ITPR1: variants seen among roughly 807,000 people sequenced by gnomAD.
ITPR1 encodes the protein inositol 1,4,5-trisphosphate-gated calcium channel ITPR1.
A neutral mutation model predicts 318.4 loss-of-function variants in ITPR1; 96 were observed. The ratio of observed to expected loss-of-function variants is 0.30; its 90% CI spans 0.26 to 0.36. ITPR1 has a LOEUF of 0.36. ITPR1 is among the 10% of genes least tolerant of loss of function. The probability of loss-of-function intolerance (pLI) is 1.00; values close to 1 mark genes in which losing one functional copy is unlikely to be tolerated. For synonymous variants in ITPR1, 1,312 were observed against 1,289.9 expected (o/e 1.02, Z -0.37); for missense variants, 2,440 against 3,460.2 (o/e 0.71, Z 7.40).
intron 47 of ITPR1, 149 bp from the exon 48 acceptor site, chr3:4,777,115 C>T: frequency 1.9e-6 from 1 of 513,406 alleles, no homozygotes; most frequent in South Asian, 3.3e-5. Flanking sequence ...TTATTCTTAC[C>T]ACTTTCTCAC....
At chr3:4,768,851 T>C in intron 46 of ITPR1, 87 bp downstream of exon 46, 1 of 1,271,496 alleles carries the variant, frequency 7.9e-7, no homozygotes. Flanking sequence ...ACCTCTCACT[T>C]GGGCCAGATT....
chr3:4,617,121 G>T (rs2092418409), intron 4 of ITPR1, among the ~76,000 whole-genome samples: 4 of 152,156 alleles, frequency 2.6e-5, no homozygotes, highest in Admixed American at 2.0e-4. Context: ...ACTTATACCA[G>T]TTGCCACTCA....
chr3:4,619,760 CCTCTCTTCTGCCCTCCCCTG>C (rs1559550100), intron 4 of ITPR1, among the ~76,000 whole-genome samples: 2 of 15,054 alleles, frequency 1.3e-4, no homozygotes, highest in African/African-American at 5.6e-4. Flanking sequence ...GCCCTCCCCT[CCTCTCTTCTGCCCTCCCCTG>C]CTCTCCTCTG....
intron 4 of ITPR1, among the ~76,000 whole-genome samples, chr3:4,580,957 C>T (rs1402434592): frequency 6.6e-6 from 1 of 152,118 alleles, no homozygotes; most frequent in African/African-American, 2.4e-5. Context: ...ACGTTAGGTG[C>T]CAGAGCAGTT....
chr3:4,816,370 A>G (rs2049302199), intron 59 of ITPR1: 2 of 152,194 alleles, frequency 1.3e-5, no homozygotes, highest in South Asian at 4.1e-4. Context: ...TTTCCACAGG[A>G]ATATCAAAGA....
At chr3:4,584,315 G>A (rs2089658723) in intron 4 of ITPR1, among the ~76,000 whole-genome samples, 1 of 152,046 alleles carries the variant, frequency 6.6e-6, no homozygotes, top group Admixed American at 6.5e-5. Context: ...TTCCTAAGTA[G>A]CATTGTTGTA....
intron 32 of ITPR1, among the ~76,000 whole-genome samples, chr3:4,692,789 A>G (rs546237526): frequency 1.3e-5 from 2 of 152,326 alleles, no homozygotes; most frequent in South Asian, 2.1e-4. Context: ...AAGATGGTAG[A>G]TGAAAGAATT....
chr3:4,604,603 A>G (rs1190455957), intron 4 of ITPR1, among the ~76,000 whole-genome samples: 1 of 152,084 alleles, frequency 6.6e-6, no homozygotes, highest in Non-Finnish European at 1.5e-5. Flanking sequence ...CTGAGAAAGG[A>G]ATTCATGACT....
intron 4 of ITPR1, among the ~76,000 whole-genome samples, chr3:4,587,272 T>G (rs76140331): frequency 1.3e-5 from 1 of 74,844 alleles, no homozygotes; most frequent in Non-Finnish European, 2.3e-5. Flanking sequence ...CTTCTCATGG[T>G]TTTTTTTTTT....
intron 10 of ITPR1, among the ~76,000 whole-genome samples, chr3:4,646,632 T>C (rs1293160761): frequency 6.6e-6 from 1 of 152,156 alleles, no homozygotes; most frequent in Non-Finnish European, 1.5e-5. Flanking sequence ...ATAATCAGTG[T>C]GCAACTTAAA....
chr3:4,738,073 C>G (rs556130673), intron 44 of ITPR1, among the ~76,000 whole-genome samples: 3 of 151,930 alleles, frequency 2.0e-5, no homozygotes, highest in African/African-American at 7.3e-5. Flanking sequence ...AGGTGGAGGT[C>G]GGAAGGAGGG....
At chr3:4,747,902 T>G (rs1186185975) in intron 44 of ITPR1, among the ~76,000 whole-genome samples, 1 of 152,228 alleles carries the variant, frequency 6.6e-6, no homozygotes, top group Non-Finnish European at 1.5e-5. Context: ...TGGCATCATG[T>G]GATGGTTATT....
At chr3:4,627,666 T>A (rs776148416) in intron 4 of ITPR1, 97 bp from the exon 5 acceptor site, 1 of 740,066 alleles carries the variant, frequency 1.4e-6, no homozygotes, top group Non-Finnish European at 2.4e-6. Context: ...TGATGTAATT[T>A]TATGTAATTT....
intron 10 of ITPR1, among the ~76,000 whole-genome samples, chr3:4,647,473 G>T (rs928134906): frequency 2.6e-5 from 4 of 152,156 alleles, no homozygotes; most frequent in African/African-American, 9.7e-5. Context: ...GTATGGCATG[G>T]TATGGTATGG....
At chr3:4,550,558 T>A (rs1273219182) in intron 4 of ITPR1, among the ~76,000 whole-genome samples, 1 of 152,214 alleles carries the variant, frequency 6.6e-6, no homozygotes, top group Non-Finnish European at 1.5e-5. Flanking sequence ...ATTAGGCCAG[T>A]TATCTCCAAG....
intron 61 of ITPR1, among the ~76,000 whole-genome samples, chr3:4,845,689 T>C (rs2051715351): frequency 6.6e-6 from 1 of 152,130 alleles, no homozygotes; most frequent in Non-Finnish European, 1.5e-5. Flanking sequence ...TCAAGAGTCA[T>C]TGAAGAGAAA....
intron 12 of ITPR1, among the ~76,000 whole-genome samples, 160 bp from the exon 13 acceptor site, chr3:4,657,964 G>A (rs1441474828): frequency 1.3e-5 from 2 of 152,188 alleles, no homozygotes; most frequent in Non-Finnish European, 2.9e-5. Context: ...TGCATGGCCA[G>A]TTGTCATCTT....
intron 44 of ITPR1, among the ~76,000 whole-genome samples, chr3:4,756,324 ATT>A (rs71623173): frequency 6.6e-6 from 1 of 151,662 alleles, no homozygotes; most frequent in African/African-American, 2.4e-5. Context: ...TTTCAGCCAA[ATT>A]TTTTTTTAAC....
intron 4 of ITPR1, among the ~76,000 whole-genome samples, chr3:4,616,717 A>G (rs1268355975): frequency 6.6e-6 from 1 of 152,208 alleles, no homozygotes; most frequent in Non-Finnish European, 1.5e-5. Context: ...AACTCCAGCC[A>G]GAGTGTTGCC....
Sources: gnomAD v4.1 joint callset for allele counts (sites outside exome capture counted in the v4.1 genomes callset) on GRCh38, gnomAD v4.1.1 for gene constraint, MANE v1.5 for transcripts, NCBI Gene and HGNC (gene_info 2026-07-23, HGNC 2026-07-21) for gene names.